The following COL5A1 variants were observed in gnomAD, a reference collection of about 807,000 sequenced individuals.
COL5A1 encodes collagen alpha-1(V) chain.
In COL5A1, 16 loss-of-function variants were observed where a neutral mutation model predicts 263.7. The ratio of observed to expected loss-of-function variants is 0.06; its 90% CI spans 0.04 to 0.09. COL5A1 has a LOEUF of 0.09. Ranked by LOEUF, COL5A1 falls within the 10% of genes least tolerant of loss-of-function variation. The pLI is 1.00. For missense variants in COL5A1, 2,036 were observed against 2,540.5 expected (o/e 0.80, Z 4.27); for synonymous variants, 1,012 against 1,004.5 (o/e 1.01, Z -0.14).
At position 134,731,613 on chromosome 9, in the gene COL5A1, T is replaced by A. The variant is rs1357936877; in HGVS notation, c.1282T>A (p.Ser428Thr). 6.2e-7 allele frequency: 1 copy of A among 1,614,104 alleles called. No homozygotes were observed. Among genetic ancestry groups the A allele is most frequent in the Non-Finnish European group, 8.5e-7 (1 of 1,180,014 alleles). Reference protein sequence around the residue: ...DPYYDPTSSPSEIGPGMPANQ... With the variant: ...DPYYDPTSSPTEIGPGMPANQ... ...CTACTACGACCCCACCAGCTCCCCG[T>A]CGGAGATCGGGCCGGGAATGCCGGC... Residue 428 changes from serine to threonine, a missense_variant, in exon 8 of 66, where the codon TCG (serine) becomes ACG (threonine). By Grantham distance (58) the Ser-to-Thr change is moderately conservative. Transcript: ENST00000371817.
At chr9:134,646,051 C>A (rs1361914032) in intron 1 of COL5A1, among the ~76,000 whole-genome samples, 1 of 152,008 alleles carries the variant, frequency 6.6e-6, no homozygotes, top group African/African-American at 2.4e-5. Context: ...TACTCCAGTG[C>A]CTTCAAGAGG....
chr9:134,811,638 T>A (rs891137986), intron 46 of COL5A1, 39 bp downstream of exon 46: 3 of 1,451,352 alleles, frequency 2.1e-6, no homozygotes, highest in Middle Eastern at 2.0e-4. Flanking sequence ...CTCCTCCGCT[T>A]CTGACGCCCC....
At chr9:134,788,817 G>A (rs1409130546) in intron 31 of COL5A1, among the ~76,000 whole-genome samples, 2 of 145,766 alleles carry the variant, frequency 1.4e-5, no homozygotes, top group African/African-American at 2.5e-5. Context: ...GATGAATGGA[G>A]GCATGGGAGG....
At chr9:134,771,086 G>A (rs1394981589) in intron 25 of COL5A1, among the ~76,000 whole-genome samples, 2 of 152,242 alleles carry the variant, frequency 1.3e-5, no homozygotes, top group African/African-American at 2.4e-5. Flanking sequence ...TCTCCGCAGC[G>A]GCGCTGTGTG....
Position 134,786,122 on chromosome 9 carries a change from G to A in COL5A1, c.2646+74G>A, listed in dbSNP as rs1045726037. On this transcript the variant is annotated intron_variant, in intron 31 of 65. Transcript: ENST00000371817. ...TGCCCGGTCTCCCCACCCTGCATCC[G>A]GCCGTGTTAGGTGTCCCGGCACAGG... is the stretch of plus-strand genomic sequence containing the variant. The A allele has an allele frequency of 2.2e-5, 30 of 1,344,524 alleles. No individual in the cohort carries two copies. The Admixed American group carries it at 2.7e-4, about 12-fold the overall frequency. The allele number at this position is 1,344,524 out of a possible 1,614,324, so 83.3% of individuals were successfully genotyped here. A position where few individuals can be genotyped will look rare whatever the true frequency, so the allele number is the denominator to read the frequency against.
intron 1 of COL5A1, among the ~76,000 whole-genome samples, chr9:134,687,277 C>A (rs1360202813): frequency 1.3e-5 from 2 of 152,186 alleles, no homozygotes; most frequent in African/African-American, 4.8e-5. Context: ...TAATTTGCAC[C>A]CTGCATCCTT....
chr9:134,745,114 C>T (rs1274758300), intron 11 of COL5A1, among the ~76,000 whole-genome samples: 1 of 152,214 alleles, frequency 6.6e-6, no homozygotes, highest in Non-Finnish European at 1.5e-5. Flanking sequence ...GGAATCTGTC[C>T]AAGCCTCAGG....
At chr9:134,701,973 A>G (rs1833690752) in intron 4 of COL5A1, among the ~76,000 whole-genome samples, 1 of 152,216 alleles carries the variant, frequency 6.6e-6, no homozygotes, top group Admixed American at 6.5e-5. Flanking sequence ...TCCCACTGCC[A>G]AGAAACAGGT....
At chr9:134,831,202 G>A (rs575364377) in intron 64 of COL5A1, among the ~76,000 whole-genome samples, 3 of 152,322 alleles carry the variant, frequency 2.0e-5, no homozygotes, top group African/African-American at 7.2e-5. Context: ...CCTTTGCCCT[G>A]TCTGCACCTC....
chr9:134,833,738 C>T (rs759260037), intron 64 of COL5A1, among the ~76,000 whole-genome samples: 8 of 152,346 alleles, frequency 5.3e-5, no homozygotes, highest in Non-Finnish European at 8.8e-5. Flanking sequence ...CCTCGTGCCC[C>T]GTGGCTCCAG....
At chr9:134,806,074 C>A (rs2132829994) in intron 41 of COL5A1, 115 bp from the exon 42 acceptor site, 1 of 781,238 alleles carries the variant, frequency 1.3e-6, no homozygotes, top group Non-Finnish European at 2.2e-6. Context: ...CCATAGGGAG[C>A]CACTGTGGGC....
At chr9:134,720,588 T>C (rs1021885362) in intron 4 of COL5A1, among the ~76,000 whole-genome samples, 2 of 152,152 alleles carry the variant, frequency 1.3e-5, no homozygotes, top group African/African-American at 2.4e-5. Context: ...CCGGAAGCCC[T>C]GGGTTGAGAA....
intron 29 of COL5A1, among the ~76,000 whole-genome samples, chr9:134,783,360 C>T (rs1837331278): frequency 6.6e-6 from 1 of 152,152 alleles, no homozygotes; most frequent in African/African-American, 2.4e-5. Flanking sequence ...CTGGGGCTTG[C>T]CGGCAACCAC....
chr9:134,721,966 C>T lies in COL5A1; in HGVS notation c.655-5300C>T, dbSNP rs546060953. Among the ~76,000 whole-genome samples the T allele has an allele frequency of 1.9e-4, 29 of 152,320 alleles. 1 individual carries two copies. Among genetic ancestry groups the T allele is most frequent in the East Asian group, 1.2e-3 (6 of 5,178 alleles). On this transcript the variant is annotated intron_variant, in intron 4 of 65. Coordinates refer to ENST00000371817, the MANE Select transcript of COL5A1 (RefSeq NM_000093.5). ...CCTGGGCCAGGATCCAGGTCTAGAG[C>T]GACCCTGCTTCTGCAGCACTCTGAG...
intron 9 of COL5A1, 116 bp from the exon 10 acceptor site, chr9:134,738,358 C>G: frequency 8.6e-7 from 1 of 1,156,624 alleles, no homozygotes; most frequent in Non-Finnish European, 1.3e-6. Context: ...CCCAGGACAG[C>G]AGGAGCTGAG....
chr9:134,740,037 G>T (rs1392393265), intron 11 of COL5A1, among the ~76,000 whole-genome samples: 1 of 152,178 alleles, frequency 6.6e-6, no homozygotes, highest in Non-Finnish European at 1.5e-5. Flanking sequence ...TGCTTTTCAC[G>T]GTCAGGGATT....
chr9:134,815,913 G>C, intron 51 of COL5A1, 22 bp from the exon 52 acceptor site: 1 of 1,614,100 alleles, frequency 6.2e-7, no homozygotes, highest in Non-Finnish European at 8.5e-7. Context: ...GTTCAGCAAG[G>C]AGCTCGCTTT....
intron 42 of COL5A1, 26 bp from the exon 43 acceptor site, chr9:134,809,157 G>T: frequency 6.5e-7 from 1 of 1,545,644 alleles, no homozygotes; most frequent in South Asian, 1.2e-5. Context: ...AGCCACGTTT[G>T]ACCTGAGATC....
rs1331038066 is a variant in COL5A1 at position 134,814,823 on chromosome 9, G to A, written c.3933G>A (p.Lys1311=). 1 of 1,552,152 alleles carries A rather than the reference G, an allele frequency of 6.4e-7. No individual in the cohort carries two copies. Among genetic ancestry groups the A allele is most frequent in the Non-Finnish European group, 8.7e-7 (1 of 1,147,386 alleles). The change falls in exon 50 of 66, where the codon AAG becomes AAA. Residue 1311 remains lysine (K), a synonymous_variant. Coordinates refer to ENST00000371817, the MANE Select transcript of COL5A1 (RefSeq NM_000093.5). ...GACCCAAAGGAGAAAGGGGAGAGAA[G>A]GGCGAGTCAGGCCCTTCAGGTGCTG... The part of the protein sequence containing the change: ...PPGPKGERGE[K]GESGPSGAAG...
Sources: gnomAD v4.1 joint callset for allele counts (sites outside exome capture counted in the v4.1 genomes callset) on GRCh38, gnomAD v4.1.1 for gene constraint, MANE v1.5 for transcripts, NCBI Gene and HGNC (gene_info 2026-07-23, HGNC 2026-07-21) for gene names.